Variants in EPHA5 observed in about 807,000 individuals in gnomAD.
EPHA5 encodes the protein EPH receptor A5.
A neutral mutation model predicts 105.0 loss-of-function variants in EPHA5; 60 were observed. The ratio of observed to expected loss-of-function variants is 0.57; its 90% CI spans 0.46 to 0.71. The LOEUF is 0.71. Ranked by LOEUF, EPHA5 falls within the 30% of genes least tolerant of loss-of-function variation. The pLI is 0.00. For synonymous variants in EPHA5, 513 were observed against 449.1 expected, an observed-to-expected ratio of 1.14 and a Z score of -1.80; for missense variants, 1,218 against 1,274.7, an observed-to-expected ratio of 0.96 and a Z score of 0.68.
At chr4:65,562,164 A>G (rs1010374922) in intron 3 of EPHA5, among the ~76,000 whole-genome samples, 1 of 152,100 alleles carries the variant, frequency 6.6e-6, no homozygotes, top group African/African-American at 2.4e-5. Flanking sequence ...TTTATGCTAC[A>G]GACACAATCG....
At chr4:65,619,337 T>C (rs1271934307) in intron 2 of EPHA5, among the ~76,000 whole-genome samples, 1 of 152,192 alleles carries the variant, frequency 6.6e-6, no homozygotes, top group Non-Finnish European at 1.5e-5. Flanking sequence ...TTTCAGATTT[T>C]CAAAAACTAG....
intron 2 of EPHA5, among the ~76,000 whole-genome samples, chr4:65,627,184 C>A (rs1746230533): frequency 6.6e-6 from 1 of 152,148 alleles, no homozygotes; most frequent in South Asian, 2.1e-4. Flanking sequence ...TCTATCACTG[C>A]ATTCAGAAAG....
intron 3 of EPHA5, among the ~76,000 whole-genome samples, chr4:65,537,912 G>A (rs7662048): frequency 0.2 from 30,986 of 151,572 alleles, 3,291 homozygotes; most frequent in Non-Finnish European, 0.22. Flanking sequence ...TAAAAACCTC[G>A]AAATCAAGAG....
intron 11 of EPHA5, among the ~76,000 whole-genome samples, chr4:65,360,799 T>A (rs572931985): frequency 2.0e-5 from 3 of 151,810 alleles, no homozygotes; most frequent in African/African-American, 7.2e-5. Flanking sequence ...ATAGCCACAA[T>A]TTATTCATTC....
At chr4:65,472,314 C>T (rs964194842) in intron 5 of EPHA5, among the ~76,000 whole-genome samples, 2 of 152,134 alleles carry the variant, frequency 1.3e-5, no homozygotes, top group African/African-American at 4.8e-5. Context: ...GTGCCTCTGG[C>T]TTTTCCAGAT....
intron 2 of EPHA5, among the ~76,000 whole-genome samples, chr4:65,615,256 A>C (rs189767192): frequency 0.018 from 2,594 of 143,556 alleles, 34 homozygotes; most frequent in Non-Finnish European, 0.026. Flanking sequence ...TTAAATAGCA[A>C]GTATTTTACA....
chr4:65,635,462 A>C (rs1470439406), intron 2 of EPHA5, among the ~76,000 whole-genome samples: 1 of 152,124 alleles, frequency 6.6e-6, no homozygotes, highest in African/African-American at 2.4e-5. Context: ...TAGCAATACA[A>C]CCGATGCTCA....
intron 3 of EPHA5, 50 bp downstream of exon 3, chr4:65,601,591 T>C (rs1438955003): frequency 6.5e-7 from 1 of 1,542,308 alleles, no homozygotes; most frequent in Admixed American, 1.8e-5. Flanking sequence ...TACATATACA[T>C]GATCCAACTG....
At chr4:65,554,163 A>C (rs1343821040) in intron 3 of EPHA5, among the ~76,000 whole-genome samples, 3 of 150,870 alleles carry the variant, frequency 2.0e-5, no homozygotes, top group African/African-American at 7.3e-5. Context: ...GGAAAAAAAA[A>C]ATTGAGAAAC....
chr4:65,625,371 G>A (rs1168300450), intron 2 of EPHA5, among the ~76,000 whole-genome samples: 1 of 151,886 alleles, frequency 6.6e-6, no homozygotes, highest in East Asian at 1.9e-4. Context: ...AGTAATACAC[G>A]TCTAAAAAAG....
chr4:65,633,221 A>G (rs1746808138), intron 2 of EPHA5, among the ~76,000 whole-genome samples: 1 of 152,056 alleles, frequency 6.6e-6, no homozygotes, highest in Non-Finnish European at 1.5e-5. Flanking sequence ...AATCAACAGG[A>G]ATGCGGGATG....
chr4:65,350,793 C>T (rs536483383), intron 13 of EPHA5, among the ~76,000 whole-genome samples: 36 of 152,072 alleles, frequency 2.4e-4, no homozygotes, highest in Admixed American at 2.0e-4. Context: ...GATCAATTTT[C>T]CATAGTGTAG....
intron 3 of EPHA5, among the ~76,000 whole-genome samples, chr4:65,544,607 C>T (rs867538214): frequency 6.6e-6 from 1 of 151,688 alleles, no homozygotes; most frequent in Non-Finnish European, 1.5e-5. Context: ...GGAGAAATAG[C>T]GACGCTTTTA....
intron 5 of EPHA5, among the ~76,000 whole-genome samples, chr4:65,437,123 C>T (rs532024537): frequency 4.6e-5 from 7 of 152,000 alleles, no homozygotes; most frequent in African/African-American, 1.7e-4. Flanking sequence ...GAAGTGTTAA[C>T]ACTATGATAA....
intron 3 of EPHA5, among the ~76,000 whole-genome samples, chr4:65,529,041 A>G (rs566673243): frequency 6.6e-6 from 1 of 152,280 alleles, no homozygotes; most frequent in South Asian, 2.1e-4. Flanking sequence ...GTGTTTAAAA[A>G]CTATGTTCAA....
At chr4:65,353,568 T>C (rs1723030464) in intron 11 of EPHA5, among the ~76,000 whole-genome samples, 1 of 151,022 alleles carries the variant, frequency 6.6e-6, no homozygotes, top group Non-Finnish European at 1.5e-5. Context: ...ATGTAGGAAA[T>C]GTGTTTAAGA....
intron 8 of EPHA5, among the ~76,000 whole-genome samples, chr4:65,382,307 T>C (rs1719638587): frequency 6.6e-6 from 1 of 151,518 alleles, no homozygotes; most frequent in Admixed American, 6.6e-5. Context: ...CAAGCTATAC[T>C]TCAATAATGA....
intron 2 of EPHA5, among the ~76,000 whole-genome samples, chr4:65,631,405 A>G (rs977529054): frequency 6.6e-6 from 1 of 152,190 alleles, no homozygotes; most frequent in Non-Finnish European, 1.5e-5. Context: ...TAACAAGTGA[A>G]TATCTTTTCC....
intron 3 of EPHA5, among the ~76,000 whole-genome samples, chr4:65,588,504 A>G (rs1041572617): frequency 6.6e-6 from 1 of 152,154 alleles, no homozygotes; most frequent in African/African-American, 2.4e-5. Flanking sequence ...CTTTCCCTTG[A>G]TGATGACAGG....
Sources: gnomAD v4.1 joint callset for allele counts (sites outside exome capture counted in the v4.1 genomes callset) on GRCh38, gnomAD v4.1.1 for gene constraint, MANE v1.5 for transcripts, NCBI Gene and HGNC (gene_info 2026-07-23, HGNC 2026-07-21) for gene names.